The following LINGO2 variants were observed in gnomAD, a reference collection of about 807,000 sequenced individuals.
LINGO2 encodes the protein leucine rich repeat and Ig domain containing 2, also known as leucine-rich repeat and immunoglobulin-like domain-containing nogo receptor-interacting protein 2.
Under a neutral mutation model 30.6 loss-of-function variants are expected in LINGO2, and 14 were observed. The observed-to-expected ratio is 0.46, with a 90% CI of 0.30 to 0.72. LINGO2 has a LOEUF of 0.72. Ranked by LOEUF, LINGO2 falls within the 30% of genes least tolerant of loss-of-function variation. The pLI is 0.07. For synonymous variants in LINGO2, 317 were observed against 288.5 expected, an observed-to-expected ratio of 1.10 and a Z score of -1.00; for missense variants, 729 against 751.7, an observed-to-expected ratio of 0.97 and a Z score of 0.35.
intron 3 of LINGO2, among the ~76,000 whole-genome samples, chr9:28,296,430 T>C (rs551600205): frequency 6.6e-6 from 1 of 152,320 alleles, no homozygotes; most frequent in South Asian, 2.1e-4. Flanking sequence ...TCTAAGTCTG[T>C]AGGGGGACTT....
intron 1 of LINGO2, among the ~76,000 whole-genome samples, chr9:28,527,214 A>G (rs1419935456): frequency 6.6e-6 from 1 of 152,212 alleles, no homozygotes; most frequent in African/African-American, 2.4e-5. Context: ...AAATAAATGC[A>G]GAGCTGAAAC....
rs375257738 is a variant in LINGO2 at position 28,303,645 on chromosome 9, C to G, written c.-245-8279G>C. Among the ~76,000 whole-genome samples, 73 of 151,936 alleles carry G rather than the reference C, an allele frequency of 4.8e-4. 1 individual carries two copies. In the South Asian group the frequency reaches 8.8e-3, roughly 18 times the overall value. On this transcript the variant is annotated intron_variant, in intron 3 of 5. Transcript: ENST00000379992. ...CTATTTATTAAATACTGTAATCTTA[C>G]AATAAATTAAGCTAAAGAAAAGAAA...
intron 5 of LINGO2, among the ~76,000 whole-genome samples, chr9:27,990,157 T>G (rs539320367): frequency 6.6e-6 from 1 of 152,188 alleles, no homozygotes; most frequent in East Asian, 1.9e-4. Context: ...GTCCAACTGT[T>G]AGGCTGAGTC....
At chr9:28,916,930 C>T in the LINGO2 span, among the ~76,000 whole-genome samples, 4 of 152,182 alleles carry the variant, frequency 2.6e-5, no homozygotes, top group Non-Finnish European at 4.4e-5. Flanking sequence ...AACACATCCA[C>T]CAATACTGGG....
chr9:28,587,984 C>T (rs1480480550), intron 1 of LINGO2, among the ~76,000 whole-genome samples: 1 of 151,970 alleles, frequency 6.6e-6, no homozygotes, highest in East Asian at 1.9e-4. Context: ...GGCCACGTAT[C>T]CATGGACCAG....
intron 1 of LINGO2, among the ~76,000 whole-genome samples, chr9:28,524,513 G>C (rs908445178): frequency 2.6e-5 from 4 of 150,976 alleles, no homozygotes; most frequent in Non-Finnish European, 5.9e-5. Context: ...ACAACACTTT[G>C]GGAGGCTGAG....
chr9:27,948,702 C>T (rs1360559242), exon 6 of LINGO2: 6 of 863,066 alleles, frequency 7.0e-6, no homozygotes, highest in Non-Finnish European at 1.1e-5. Context: ...TGGAGAGTCT[C>T]CATTGGAAGT....
intron 3 of LINGO2, among the ~76,000 whole-genome samples, chr9:28,302,279 G>A (rs1226819524): frequency 6.6e-6 from 1 of 152,192 alleles, no homozygotes; most frequent in Admixed American, 6.5e-5. Flanking sequence ...TCATGAAGAA[G>A]AAACTGTCAT....
chr9:28,106,566 C>T (rs192138886), intron 4 of LINGO2, among the ~76,000 whole-genome samples: 31 of 152,228 alleles, frequency 2.0e-4, no homozygotes, highest in African/African-American at 7.5e-4. Flanking sequence ...ATATACATAT[C>T]CTCAATTCAC....
intron 5 of LINGO2, among the ~76,000 whole-genome samples, chr9:27,984,527 G>A (rs921942089): frequency 6.6e-6 from 1 of 151,788 alleles, no homozygotes; most frequent in Non-Finnish European, 1.5e-5. Flanking sequence ...TCATAAGCCT[G>A]AGCTCTGGGC....
the LINGO2 span, among the ~76,000 whole-genome samples, chr9:28,956,575 CA>C: frequency 2.4e-5 from 1 of 40,884 alleles, no homozygotes; most frequent in Admixed American, 2.7e-4. Context: ...TTCCTTCCTC[CA>C]TCCCTCCCTC....
chr9:29,178,112 G>A, the LINGO2 span, among the ~76,000 whole-genome samples: 2 of 151,518 alleles, frequency 1.3e-5, no homozygotes, highest in Admixed American at 1.3e-4. Flanking sequence ...CTAGAGTGCA[G>A]TGGTGTGATC....
At chr9:29,180,213 T>C in the LINGO2 span, among the ~76,000 whole-genome samples, 1 of 152,188 alleles carries the variant, frequency 6.6e-6, no homozygotes. Context: ...GAATATCTGG[T>C]AGATTTTTCG....
chr9:28,043,464 G>A (rs957317464), intron 4 of LINGO2, among the ~76,000 whole-genome samples: 1 of 152,180 alleles, frequency 6.6e-6, no homozygotes, highest in Non-Finnish European at 1.5e-5. Context: ...TTGAAGGTGA[G>A]GGGTTGAGAG....
At chr9:28,387,036 A>T (rs1821609691) in intron 2 of LINGO2, among the ~76,000 whole-genome samples, 1 of 152,206 alleles carries the variant, frequency 6.6e-6, no homozygotes, top group Admixed American at 6.5e-5. Flanking sequence ...AGGTGAAGCC[A>T]GCTGGACTTC....
chr9:28,506,451 C>CAG (rs1314234225), intron 1 of LINGO2, among the ~76,000 whole-genome samples: 3 of 100,234 alleles, frequency 3.0e-5, no homozygotes, highest in Non-Finnish European at 6.6e-5. Context: ...CACACACACA[C>CAG]ACACATACAC....
chr9:28,705,597 T>A, the LINGO2 span, among the ~76,000 whole-genome samples: 2 of 152,138 alleles, frequency 1.3e-5, no homozygotes, highest in Non-Finnish European at 2.9e-5. Flanking sequence ...CTAGTTACTT[T>A]TCTGCTCCCA....
At chr9:29,090,558 T>C in the LINGO2 span, among the ~76,000 whole-genome samples, 4 of 152,040 alleles carry the variant, frequency 2.6e-5, no homozygotes, top group African/African-American at 9.7e-5. Flanking sequence ...ACTGAATGAA[T>C]TAATTAATTT....
chr9:28,975,768 C>T, the LINGO2 span, among the ~76,000 whole-genome samples: 1 of 152,106 alleles, frequency 6.6e-6, no homozygotes, highest in Non-Finnish European at 1.5e-5. Flanking sequence ...TGGAATTACA[C>T]AAATTGATAA....
Sources: allele counts gnomAD v4.1 joint callset (sites outside exome capture counted in the v4.1 genomes callset), GRCh38; gene constraint gnomAD v4.1.1; transcripts MANE v1.5; gene names NCBI Gene and HGNC (gene_info 2026-07-23, HGNC 2026-07-21).